Variants in FSTL5 observed in about 807,000 individuals in gnomAD.
FSTL5 encodes the protein follistatin-related protein 5.
Under a neutral mutation model 89.1 loss-of-function variants are expected in FSTL5, and 62 were observed. The observed-to-expected ratio is 0.70, with a 90% CI of 0.57 to 0.86. The LOEUF is 0.86. Ranked by LOEUF, FSTL5 falls within the 40% of genes least tolerant of loss-of-function variation. The pLI is 0.00. For missense variants in FSTL5, 1,057 were observed against 1,001.6 expected (o/e 1.06, Z -0.75); for synonymous variants, 383 against 346.2 (o/e 1.11, Z -1.18).
intron 3 of FSTL5, among the ~76,000 whole-genome samples, chr4:161,974,529 T>C (rs1167886105): frequency 3.9e-5 from 5 of 129,606 alleles, no homozygotes; most frequent in African/African-American, 1.2e-4. Context: ...TAAATGGTGC[T>C]GGGAAAACTG....
chr4:161,623,011 A>G (rs1290489985), intron 7 of FSTL5, among the ~76,000 whole-genome samples: 1 of 152,124 alleles, frequency 6.6e-6, no homozygotes, highest in Admixed American at 6.5e-5. Context: ...ACTACAGTGA[A>G]AGACAATAAA....
At chr4:161,652,749 G>A (rs192435206) in intron 7 of FSTL5, among the ~76,000 whole-genome samples, 29 of 151,972 alleles carry the variant, frequency 1.9e-4, no homozygotes, top group Non-Finnish European at 2.6e-4. Context: ...GTAATTGTTC[G>A]CAATTAAAAT....
chr4:162,130,078 C>T (rs1327910894), intron 1 of FSTL5, among the ~76,000 whole-genome samples: 3 of 152,134 alleles, frequency 2.0e-5, no homozygotes, highest in Admixed American at 1.3e-4. Flanking sequence ...AATCGCCCTG[C>T]CATTTTAAGC....
In FSTL5 at chr4:161,518,188, A is replaced by T. The variant is rs183924196; in HGVS notation, c.1313-7764T>A. ...TTAACCTAACGTCTAACATAAGCTG[A>T]TTAGGCTGCAGTGCCCAGCTTACAT... On this transcript the variant is annotated intron_variant, in intron 10 of 15. Coordinates refer to ENST00000306100, the MANE Select transcript of FSTL5 (RefSeq NM_020116.5). Among the ~76,000 whole-genome samples the T allele has an allele frequency of 4.2e-3, 638 of 152,332 alleles. 1 individual carries two copies. Among genetic ancestry groups the T allele is most frequent in the Non-Finnish European group, 7.1e-3 (482 of 68,032 alleles).
intron 6 of FSTL5, among the ~76,000 whole-genome samples, chr4:161,736,874 G>T (rs1343158505): frequency 6.6e-6 from 1 of 151,964 alleles, no homozygotes; most frequent in African/African-American, 2.4e-5. Flanking sequence ...CCTGGAAATT[G>T]TAAATAATAA....
chr4:162,089,684 G>C lies in FSTL5; in HGVS notation c.126+21587C>G, dbSNP rs149522278. 2.0e-5 allele frequency among the ~76,000 whole-genome samples: 3 copies of C among 150,806 alleles called. No homozygotes were observed. The East Asian group carries it at 5.8e-4, about 29-fold the overall frequency. ...AGAAAGAAAGAAATTGGGTTAATTG[G>C]GTTTGTAGTATCGTTGCTATACTTA... On this transcript the variant is annotated intron_variant, in intron 2 of 15. Coordinates refer to ENST00000306100, the MANE Select transcript of FSTL5 (RefSeq NM_020116.5).
At chr4:161,622,390 T>A (rs1006823189) in intron 7 of FSTL5, among the ~76,000 whole-genome samples, 1 of 152,052 alleles carries the variant, frequency 6.6e-6, no homozygotes, top group Non-Finnish European at 1.5e-5. Context: ...ATGAAGTCAG[T>A]GAAAGCTTGA....
chr4:161,516,354 A>G (rs1371371031), intron 10 of FSTL5, among the ~76,000 whole-genome samples: 2 of 146,372 alleles, frequency 1.4e-5, no homozygotes, highest in African/African-American at 5.0e-5. Context: ...TTCAGGCTTA[A>G]ATATGCCACT....
intron 1 of FSTL5, among the ~76,000 whole-genome samples, chr4:162,135,301 GTTTTTCT>G (rs1472287822): frequency 6.6e-6 from 1 of 151,648 alleles, no homozygotes; most frequent in African/African-American, 2.4e-5. Flanking sequence ...CAATAAGGTA[GTTTTTCT>G]TTTTTCTTTT....
intron 4 of FSTL5, among the ~76,000 whole-genome samples, chr4:161,905,671 C>T (rs1733502087): frequency 6.6e-6 from 1 of 152,020 alleles, no homozygotes; most frequent in Non-Finnish European, 1.5e-5. Context: ...GCGAATTAGA[C>T]CAGTAGGGAC....
Position 161,872,320 on chromosome 4 carries a change from A to G in FSTL5, c.409+48084T>C, listed in dbSNP as rs116391402. Among the ~76,000 whole-genome samples, 935 of 151,950 alleles carry G rather than the reference A, an allele frequency of 6.2e-3. 5 individuals carry two copies. Among genetic ancestry groups the G allele is most frequent in the African/African-American group, 0.018 (765 of 41,468 alleles). On this transcript the variant is annotated intron_variant, in intron 4 of 15. Transcript: ENST00000306100. Reference sequence around the variant, plus strand: ...ACTGATTTTGTTTGTAAATTTCACAACTACGTATTTTGTTTTTACCAGAAT... The same window carrying G: ...ACTGATTTTGTTTGTAAATTTCACAGCTACGTATTTTGTTTTTACCAGAAT...
chr4:161,694,050 A>T (rs1738049071), intron 6 of FSTL5, among the ~76,000 whole-genome samples: 1 of 151,898 alleles, frequency 6.6e-6, no homozygotes, highest in Admixed American at 6.6e-5. Context: ...AGTTTATCAA[A>T]TTTATTAATC....
chr4:161,533,736 C>T (rs1731500997), intron 10 of FSTL5, among the ~76,000 whole-genome samples: 1 of 152,028 alleles, frequency 6.6e-6, no homozygotes, highest in Non-Finnish European at 1.5e-5. Context: ...AAGCCACCAT[C>T]ATCCTGATAC....
chr4:161,806,049 G>A (rs930291656), intron 4 of FSTL5, among the ~76,000 whole-genome samples: 2 of 152,020 alleles, frequency 1.3e-5, no homozygotes, highest in Non-Finnish European at 2.9e-5. Flanking sequence ...GGGAAAAACA[G>A]TACACATAGG....
intron 4 of FSTL5, among the ~76,000 whole-genome samples, chr4:161,793,729 T>A (rs1227206697): frequency 1.3e-5 from 2 of 151,770 alleles, no homozygotes; most frequent in Admixed American, 1.3e-4. Flanking sequence ...CTGCCTCAGC[T>A]CCCAGAGTAG....
chr4:161,636,090 CAA>C (rs34996065), intron 7 of FSTL5, among the ~76,000 whole-genome samples: 26 of 129,200 alleles, frequency 2.0e-4, no homozygotes, highest in Non-Finnish European at 1.4e-4. Context: ...TAATTGACAG[CAA>C]AAAAAAAAAA....
At chr4:161,501,417 A>G (rs1463730707) in intron 11 of FSTL5, among the ~76,000 whole-genome samples, 1 of 152,064 alleles carries the variant, frequency 6.6e-6, no homozygotes, top group Non-Finnish European at 1.5e-5. Flanking sequence ...CCATATAACT[A>G]TGTATCCATA....
chr4:161,669,755 A>G (rs1228357339), intron 6 of FSTL5, among the ~76,000 whole-genome samples: 1 of 152,142 alleles, frequency 6.6e-6, no homozygotes, highest in African/African-American at 2.4e-5. Context: ...ACATTCAAAA[A>G]ATAATATTGG....
intron 9 of FSTL5, among the ~76,000 whole-genome samples, chr4:161,540,243 G>T (rs1014834233): frequency 2.0e-5 from 3 of 152,078 alleles, no homozygotes; most frequent in Non-Finnish European, 2.9e-5. Flanking sequence ...TATTGCATAA[G>T]CGAGTTTATA....
Sources: allele counts gnomAD v4.1 joint callset (sites outside exome capture counted in the v4.1 genomes callset), GRCh38; gene constraint gnomAD v4.1.1; transcripts MANE v1.5; gene names NCBI Gene and HGNC (gene_info 2026-07-23, HGNC 2026-07-21).